The following FOXJ3 variants were observed in gnomAD, a reference collection of about 807,000 sequenced individuals.
The protein encoded by FOXJ3 is forkhead box J3.
A neutral mutation model predicts 76.1 loss-of-function variants in FOXJ3; 22 were observed. That is an observed-to-expected ratio of 0.29 (90% CI 0.21 to 0.41). The LOEUF (loss-of-function observed/expected upper bound fraction) is 0.41. FOXJ3 is among the 10% of genes least tolerant of loss of function. FOXJ3 has a pLI of 1.00. For synonymous variants in FOXJ3, 269 were observed against 261.2 expected, an observed-to-expected ratio of 1.03 and a Z score of -0.29; for missense variants, 613 against 762.1, an observed-to-expected ratio of 0.80 and a Z score of 2.30.
chr1:42,309,338 C>G lies in FOXJ3; in HGVS notation c.44+1712G>C, dbSNP rs149466189. Among the ~76,000 whole-genome samples, 629 of 152,290 alleles carry G rather than the reference C, an allele frequency of 4.1e-3. 3 individuals are homozygous for G. The highest frequency in any genetic ancestry group is 0.014 in the African/African-American group (586 of 41,554). On this transcript the variant is annotated intron_variant, in intron 2 of 12. Coordinates refer to ENST00000361346, the MANE Select transcript of FOXJ3 (RefSeq NM_014947.5). Reference sequence around the variant, plus strand: ...CCTGCCTTGGACCTTCCTGCACTCCCTCTGTGCCTAAAGAATGCTCGACTA... The same window carrying G: ...CCTGCCTTGGACCTTCCTGCACTCCGTCTGTGCCTAAAGAATGCTCGACTA...
chr1:42,267,325 C>CA (rs1651538671), intron 3 of FOXJ3, among the ~76,000 whole-genome samples: 1 of 151,884 alleles, frequency 6.6e-6, no homozygotes, highest in African/African-American at 2.4e-5. Flanking sequence ...GATGAAAAAA[C>CA]AAAAAAATCC....
intron 11 of FOXJ3, among the ~76,000 whole-genome samples, chr1:42,187,901 A>G (rs1646469117): frequency 6.6e-6 from 1 of 152,202 alleles, no homozygotes; most frequent in African/African-American, 2.4e-5. Context: ...AAGATAATAG[A>G]TTTCCACTAC....
intron 4 of FOXJ3, among the ~76,000 whole-genome samples, chr1:42,238,748 G>T (rs1318793983): frequency 6.6e-6 from 1 of 152,076 alleles, no homozygotes; most frequent in Non-Finnish European, 1.5e-5. Context: ...TTTGTATGTT[G>T]CCCAGGCTGG....
chr1:42,318,053 G>C (rs968037834), intron 1 of FOXJ3, among the ~76,000 whole-genome samples: 5 of 151,994 alleles, frequency 3.3e-5, no homozygotes, highest in African/African-American at 7.2e-5. Flanking sequence ...TCAAAAATTG[G>C]GGGGAAAAAA....
rs1275594657 is a variant in FOXJ3 at position 42,232,368 on chromosome 1, G to A, written c.445-4402C>T. 5.7e-3 allele frequency among the ~76,000 whole-genome samples: 844 copies of A among 148,018 alleles called. 9 individuals are homozygous for A. Among genetic ancestry groups the A allele is most frequent in the African/African-American group, 0.02 (783 of 39,222 alleles). ...TCTAGTTCTAGATCCCTGAGGAATC[G>A]CCACACTGACTTCCACAATGGTTGA... On this transcript the variant is annotated intron_variant, in intron 4 of 12. Transcript: ENST00000361346.
chr1:42,247,111 G>T (rs2124548440), intron 4 of FOXJ3, among the ~76,000 whole-genome samples: 1 of 152,148 alleles, frequency 6.6e-6, no homozygotes, highest in East Asian at 1.9e-4. Context: ...GGGTAGACTG[G>T]CTATAATTAT....
At chr1:42,258,375 C>A (rs1176093996) in intron 4 of FOXJ3, among the ~76,000 whole-genome samples, 1 of 152,170 alleles carries the variant, frequency 6.6e-6, no homozygotes, top group Admixed American at 6.5e-5. Flanking sequence ...GAGTTTCAAT[C>A]CTGCTTTATA....
At chr1:42,181,838 C>CTCTT in intron 12 of FOXJ3, 79 bp downstream of exon 12, 1 of 898,864 alleles carries the variant, frequency 1.1e-6, no homozygotes, top group Non-Finnish European at 1.7e-6. Flanking sequence ...CTCTCTCTCT[C>CTCTT]ACCTGCCATC....
At chr1:42,321,351 G>A (rs1655415833) in intron 1 of FOXJ3, among the ~76,000 whole-genome samples, 1 of 152,118 alleles carries the variant, frequency 6.6e-6, no homozygotes, top group South Asian at 2.1e-4. Context: ...GAAATTAGTA[G>A]TCTGCCAAGG....
intron 2 of FOXJ3, among the ~76,000 whole-genome samples, chr1:42,295,801 A>G (rs1255608060): frequency 6.6e-6 from 1 of 152,156 alleles, no homozygotes; most frequent in Non-Finnish European, 1.5e-5. Flanking sequence ...TGCTGGAATT[A>G]CAGGCATGAC....
chr1:42,321,408 C>T (rs1325968265), intron 1 of FOXJ3, among the ~76,000 whole-genome samples: 1 of 152,094 alleles, frequency 6.6e-6, no homozygotes, highest in Non-Finnish European at 1.5e-5. Context: ...TATCTATCAT[C>T]CCTGATTCAG....
chr1:42,300,074 C>T (rs1654039566), intron 2 of FOXJ3, among the ~76,000 whole-genome samples: 1 of 152,078 alleles, frequency 6.6e-6, no homozygotes, highest in Non-Finnish European at 1.5e-5. Flanking sequence ...GTGGCACACA[C>T]CTGTAGTCCC....
At chr1:42,186,051 A>G (rs747150659) in intron 11 of FOXJ3, among the ~76,000 whole-genome samples, 2 of 152,164 alleles carry the variant, frequency 1.3e-5, no homozygotes, top group Non-Finnish European at 2.9e-5. Context: ...AAAGGGATAA[A>G]ATTAACAGCT....
intron 1 of FOXJ3, among the ~76,000 whole-genome samples, chr1:42,316,945 C>T (rs1192341102): frequency 1.3e-5 from 2 of 152,066 alleles, no homozygotes; most frequent in Non-Finnish European, 2.9e-5. Flanking sequence ...GTGATGGGTG[C>T]GCCAAAATCT....
rs908993591 is a variant in FOXJ3 at position 42,177,378 on chromosome 1, A to C, written c.*2332T>G. The C allele has an allele frequency of 3.3e-5, 5 of 152,694 alleles. No homozygotes were observed. Among genetic ancestry groups the C allele is most frequent in the African/African-American group, 1.2e-4 (5 of 41,470 alleles). 9.5% of individuals were successfully genotyped at this position (152,694 alleles called of 1,614,324 possible). A position where few individuals can be genotyped will look rare whatever the true frequency, so the allele number is the denominator to read the frequency against. On this transcript the variant is annotated 3_prime_UTR_variant, in exon 13 of 13. Transcript: ENST00000361346. ...GGTTCTACTCAAATCACTCAGTATG[A>C]GACTGCATTCCAATATCCAAATTGT...
At chr1:42,279,904 C>A (rs1163639277) in intron 2 of FOXJ3, among the ~76,000 whole-genome samples, 1 of 152,004 alleles carries the variant, frequency 6.6e-6, no homozygotes, top group African/African-American at 2.4e-5. Context: ...CCAAATGGCT[C>A]CTGACAAAAA....
intron 5 of FOXJ3, among the ~76,000 whole-genome samples, chr1:42,225,820 C>T (rs1647511192): frequency 6.6e-6 from 1 of 151,982 alleles, no homozygotes; most frequent in South Asian, 2.1e-4. Flanking sequence ...TTTCTTTAGG[C>T]CTCCACTATA....
chr1:42,195,786 A>G (rs1557627449), intron 7 of FOXJ3, among the ~76,000 whole-genome samples: 3 of 152,274 alleles, frequency 2.0e-5, no homozygotes, highest in African/African-American at 7.2e-5. Context: ...GTGGAAAAAT[A>G]TGAATTTTTA....
intron 1 of FOXJ3, among the ~76,000 whole-genome samples, chr1:42,324,248 T>TATAAATTCTAGGAATATATAC (rs1655682262): frequency 2.4e-4 from 4 of 16,968 alleles, no homozygotes; most frequent in East Asian, 2.7e-3. Flanking sequence ...ACACTATATA[T>TATAAATTCTAGGAATATATAC]ACACTATATA....
Sources: gnomAD v4.1 joint callset for allele counts (sites outside exome capture counted in the v4.1 genomes callset) on GRCh38, gnomAD v4.1.1 for gene constraint, MANE v1.5 for transcripts, NCBI Gene and HGNC (gene_info 2026-07-23, HGNC 2026-07-21) for gene names.